Variants in SEMA3E observed in about 807,000 individuals in gnomAD.
The protein encoded by SEMA3E is semaphorin 3E, also known as semaphorin-3E.
A neutral mutation model predicts 93.6 loss-of-function variants in SEMA3E; 49 were observed. The ratio of observed to expected loss-of-function variants is 0.52; its 90% confidence interval spans 0.42 to 0.66. The LOEUF is 0.66. Among genes scored for constraint, SEMA3E ranks in the 30% least tolerant of loss-of-function variants. SEMA3E has a pLI of 0.00. For synonymous variants in SEMA3E, 363 were observed against 330.7 expected (o/e 1.10, Z -1.06); for missense variants, 906 against 964.8 (o/e 0.94, Z 0.81).
chr7:83,544,142 G>A (rs1166554933), intron 1 of SEMA3E, among the ~76,000 whole-genome samples: 1 of 152,002 alleles, frequency 6.6e-6, no homozygotes, highest in Non-Finnish European at 1.5e-5. Flanking sequence ...TCATTGCCCA[G>A]TAGAAAATAA....
chr7:83,389,296 G>T (rs763997717), intron 14 of SEMA3E, among the ~76,000 whole-genome samples: 4 of 151,888 alleles, frequency 2.6e-5, no homozygotes, highest in Non-Finnish European at 4.4e-5. Flanking sequence ...AGAACCTAAG[G>T]GCTGATGAGC....
chr7:83,549,862 C>T (rs1410805735), intron 1 of SEMA3E, among the ~76,000 whole-genome samples: 2 of 151,822 alleles, frequency 1.3e-5, no homozygotes, highest in Non-Finnish European at 2.9e-5. Flanking sequence ...CATTTATGGC[C>T]GTAACAGTTT....
intron 1 of SEMA3E, among the ~76,000 whole-genome samples, chr7:83,516,787 TA>T (rs1251831942): frequency 6.6e-6 from 1 of 152,110 alleles, no homozygotes; most frequent in Non-Finnish European, 1.5e-5. Context: ...CCTGCTACGT[TA>T]TGTTTTTAAC....
intron 1 of SEMA3E, among the ~76,000 whole-genome samples, chr7:83,590,315 A>G (rs1792731804): frequency 6.6e-6 from 1 of 152,168 alleles, no homozygotes. Flanking sequence ...ATTTATTTAC[A>G]ACATTTAATG....
intron 1 of SEMA3E, among the ~76,000 whole-genome samples, chr7:83,624,065 T>G (rs371422344): frequency 6.6e-6 from 1 of 152,236 alleles, no homozygotes; most frequent in African/African-American, 2.4e-5. Context: ...CATTCTTTTT[T>G]ATGGCTTCAT....
chr7:83,449,798 A>G (rs1382456837), intron 4 of SEMA3E, among the ~76,000 whole-genome samples: 1 of 152,106 alleles, frequency 6.6e-6, no homozygotes, highest in African/African-American at 2.4e-5. Flanking sequence ...TTTCCTCCCA[A>G]TTTTATTTTG....
intron 1 of SEMA3E, among the ~76,000 whole-genome samples, chr7:83,647,277 A>C (rs1794091171): frequency 6.6e-6 from 1 of 152,174 alleles, no homozygotes; most frequent in Admixed American, 6.5e-5. Context: ...TAAAAAGACA[A>C]AAAGGCCAAA....
At chr7:83,405,828 C>A (rs1788318313) in intron 8 of SEMA3E, 117 bp downstream of exon 8, 1 of 825,984 alleles carries the variant, frequency 1.2e-6, no homozygotes. Flanking sequence ...CAGAAACTTG[C>A]TCTATGTTAG....
chr7:83,477,926 C>CT (rs11310519), intron 2 of SEMA3E, among the ~76,000 whole-genome samples: 5,140 of 147,598 alleles, frequency 0.035, 277 homozygotes, highest in African/African-American at 0.12. Context: ...GTAATTTTGG[C>CT]TTTTTTTTTT....
intron 1 of SEMA3E, among the ~76,000 whole-genome samples, chr7:83,506,015 CA>C (rs57051446): frequency 0.048 from 4,194 of 87,130 alleles, 62 homozygotes; most frequent in South Asian, 0.082. Context: ...ACTCCGTCTC[CA>C]AAAAAAAAAA....
chr7:83,627,294 A>T (rs1489766412), intron 1 of SEMA3E, among the ~76,000 whole-genome samples: 2 of 152,134 alleles, frequency 1.3e-5, no homozygotes, highest in East Asian at 3.9e-4. Context: ...TCTAATATTG[A>T]CAGTGGGGTG....
intron 1 of SEMA3E, among the ~76,000 whole-genome samples, chr7:83,593,647 AAGAG>A (rs1256731610): frequency 6.6e-6 from 1 of 151,840 alleles, no homozygotes. Flanking sequence ...GTAAAGATGG[AAGAG>A]AGAAACAGGT....
intron 14 of SEMA3E, among the ~76,000 whole-genome samples, chr7:83,390,407 A>G (rs531573484): frequency 6.6e-6 from 1 of 152,134 alleles, no homozygotes; most frequent in South Asian, 2.1e-4. Flanking sequence ...AACACTGGAA[A>G]TAGACAAAAT....
At position 83,418,414 on chromosome 7, in the gene SEMA3E, A is replaced by C; in HGVS notation, c.526T>G (p.Ser176Ala). The change falls in exon 5 of 17, where the codon TCC becomes GCC. Residue 176 changes from serine to alanine, a missense_variant. Transcript: ENST00000643230. ...GRGRCPFDPS[S>A]SFISTLIGSE... ...CCAATTAAAGTGGAGATGAAGGAGG[A>C]GCTGGGGTCAAAAGGACATCTGCCC... 1 of 1,611,642 alleles carries C rather than the reference A, an allele frequency of 6.2e-7. No individual in the cohort carries two copies. Among genetic ancestry groups the C allele is most frequent in the Non-Finnish European group, 8.5e-7 (1 of 1,178,684 alleles).
intron 2 of SEMA3E, among the ~76,000 whole-genome samples, chr7:83,485,763 G>A (rs1408669635): frequency 6.6e-6 from 1 of 152,156 alleles, no homozygotes; most frequent in Non-Finnish European, 1.5e-5. Flanking sequence ...GGGTGCATGT[G>A]GAGGGAAATA....
chr7:83,600,822 A>G (rs938035591), intron 1 of SEMA3E, among the ~76,000 whole-genome samples: 3 of 152,172 alleles, frequency 2.0e-5, no homozygotes, highest in African/African-American at 7.2e-5. Context: ...TGCAGTACTA[A>G]GTGGCAATTA....
At chr7:83,587,704 C>G (rs1489837750) in intron 1 of SEMA3E, among the ~76,000 whole-genome samples, 1 of 151,684 alleles carries the variant, frequency 6.6e-6, no homozygotes, top group East Asian at 1.9e-4. Flanking sequence ...TAATTATACA[C>G]AGTATATTTG....
chr7:83,507,297 T>C (rs1230670095), intron 1 of SEMA3E, among the ~76,000 whole-genome samples: 1 of 152,080 alleles, frequency 6.6e-6, no homozygotes, highest in Non-Finnish European at 1.5e-5. Flanking sequence ...AGAGGGAGCC[T>C]CCACCACTGG....
intron 1 of SEMA3E, among the ~76,000 whole-genome samples, chr7:83,645,307 A>G (rs987016701): frequency 1.3e-5 from 2 of 151,984 alleles, no homozygotes; most frequent in African/African-American, 4.8e-5. Context: ...AATCTCACCA[A>G]TATTACCCTA....
Sources: gnomAD v4.1 joint callset for allele counts (sites outside exome capture counted in the v4.1 genomes callset) on GRCh38, gnomAD v4.1.1 for gene constraint, MANE v1.5 for transcripts, NCBI Gene and HGNC (gene_info 2026-07-23, HGNC 2026-07-21) for gene names.